The following PCSK5 variants were observed in gnomAD, a reference collection of about 807,000 sequenced individuals.
PCSK5 encodes the protein prohormone convertase 5.
A neutral mutation model predicts 233.2 loss-of-function variants in PCSK5; 129 were observed. The ratio of observed to expected loss-of-function variants is 0.55; its 90% CI spans 0.48 to 0.64. PCSK5 has a LOEUF of 0.64. Among genes scored for constraint, PCSK5 ranks in the 30% least tolerant of loss-of-function variants. The pLI, the probability that PCSK5 is intolerant of heterozygous loss-of-function variation, is 0.00. For missense variants in PCSK5, 2,076 were observed against 2,430.1 expected (o/e 0.85, Z 3.06); for synonymous variants, 825 against 879.2 (o/e 0.94, Z 1.09).
chr9:76,162,408 T>C (rs1822901369), intron 12 of PCSK5, among the ~76,000 whole-genome samples: 2 of 152,132 alleles, frequency 1.3e-5, no homozygotes, highest in African/African-American at 4.8e-5. Context: ...CTTGGCCCCA[T>C]TTCAAAGCAC....
chr9:75,976,301 C>CAG (rs537083845), intron 2 of PCSK5, among the ~76,000 whole-genome samples: 1,560 of 92,038 alleles, frequency 0.017, 25 homozygotes, highest in Middle Eastern at 0.045. Context: ...CACACACACA[C>CAG]ACACACACAC....
chr9:76,258,718 C>G (rs1386799488), intron 24 of PCSK5, among the ~76,000 whole-genome samples: 1 of 152,172 alleles, frequency 6.6e-6, no homozygotes, highest in South Asian at 2.1e-4. Flanking sequence ...GTAAATTCAT[C>G]TTATGTGCTC....
chr9:76,238,489 A>C (rs1255953971), intron 22 of PCSK5, among the ~76,000 whole-genome samples: 1 of 152,216 alleles, frequency 6.6e-6, no homozygotes, highest in African/African-American at 2.4e-5. Flanking sequence ...TAACGCAAGC[A>C]TGTGACCGAT....
chr9:76,018,588 C>T (rs1828051357), intron 3 of PCSK5, among the ~76,000 whole-genome samples: 1 of 152,174 alleles, frequency 6.6e-6, no homozygotes, highest in Non-Finnish European at 1.5e-5. Flanking sequence ...CACCCCACAT[C>T]CGTGGAAAAA....
chr9:76,176,889 A>G (rs1399070180), intron 14 of PCSK5, among the ~76,000 whole-genome samples: 1 of 152,118 alleles, frequency 6.6e-6, no homozygotes, highest in Non-Finnish European at 1.5e-5. Flanking sequence ...CCTTCTTGTC[A>G]TTATTTCTGA....
At chr9:76,223,750 G>T (rs975630094) in intron 20 of PCSK5, among the ~76,000 whole-genome samples, 1 of 152,242 alleles carries the variant, frequency 6.6e-6, no homozygotes, top group African/African-American at 2.4e-5. Flanking sequence ...GCTCCTGAAG[G>T]CTCTGTTAAA....
intron 17 of PCSK5, among the ~76,000 whole-genome samples, chr9:76,185,905 A>G (rs1010652413): frequency 1.3e-5 from 2 of 152,200 alleles, no homozygotes; most frequent in African/African-American, 4.8e-5. Flanking sequence ...CTATTCTACC[A>G]TCTGGCACAT....
At chr9:76,229,226 T>C (rs1022823311) in intron 21 of PCSK5, among the ~76,000 whole-genome samples, 2 of 152,256 alleles carry the variant, frequency 1.3e-5, no homozygotes, top group Non-Finnish European at 2.9e-5. Flanking sequence ...AATGAGGTTC[T>C]GTTTTTTCTC....
chr9:76,105,028 C>T (rs961178525), intron 8 of PCSK5, among the ~76,000 whole-genome samples: 1 of 152,194 alleles, frequency 6.6e-6, no homozygotes, highest in African/African-American at 2.4e-5. Flanking sequence ...AGCAATTCCT[C>T]TTCTGGAATT....
intron 24 of PCSK5, among the ~76,000 whole-genome samples, chr9:76,263,642 T>C (rs1424756354): frequency 7.6e-6 from 1 of 131,022 alleles, no homozygotes; most frequent in South Asian, 2.4e-4. Flanking sequence ...GTGGGGGGAG[T>C]GGGGAGGGAT....
intron 1 of PCSK5, among the ~76,000 whole-genome samples, chr9:75,905,992 C>A (rs1021058474): frequency 6.6e-6 from 1 of 152,106 alleles, no homozygotes; most frequent in East Asian, 1.9e-4. Context: ...TATTGAGTAC[C>A]TATTTTATCA....
intron 20 of PCSK5, among the ~76,000 whole-genome samples, chr9:76,209,898 T>C (rs1019434852): frequency 1.3e-5 from 2 of 151,944 alleles, no homozygotes; most frequent in Non-Finnish European, 2.9e-5. Context: ...GTAGGAAAGA[T>C]TCAGATAATT....
intron 24 of PCSK5, among the ~76,000 whole-genome samples, chr9:76,241,420 C>T (rs538641187): frequency 8.5e-5 from 13 of 152,210 alleles, no homozygotes; most frequent in Admixed American, 2.0e-4. Context: ...CCAGCCTGGG[C>T]GACAGAGCCA....
chr9:76,356,050 G>A (rs144778157), intron 37 of PCSK5, among the ~76,000 whole-genome samples: 71 of 152,226 alleles, frequency 4.7e-4, no homozygotes, highest in African/African-American at 1.6e-3. Context: ...TTCCAAAAAC[G>A]TTTTCCTTCT....
intron 5 of PCSK5, among the ~76,000 whole-genome samples, chr9:76,064,513 C>T (rs1290950208): frequency 6.7e-6 from 1 of 149,736 alleles, no homozygotes; most frequent in African/African-American, 2.5e-5. Context: ...GGGGCTGAAC[C>T]CCCCCAACCT....
intron 1 of PCSK5, among the ~76,000 whole-genome samples, chr9:75,914,981 GA>G (rs1281963648): frequency 1.3e-5 from 2 of 152,174 alleles, no homozygotes; most frequent in Non-Finnish European, 2.9e-5. Flanking sequence ...AAGGTGTGAG[GA>G]ATAGTTTACA....
At chr9:76,121,727 G>C (rs980591783) in intron 9 of PCSK5, among the ~76,000 whole-genome samples, 4 of 151,928 alleles carry the variant, frequency 2.6e-5, no homozygotes, top group African/African-American at 7.2e-5. Flanking sequence ...CAGAGTTCTC[G>C]CATGTTTGAA....
chr9:76,181,497 T>C lies in PCSK5; in HGVS notation c.2103T>C (p.Gly701=). 1 of 1,614,024 alleles carries C rather than the reference T, an allele frequency of 6.2e-7. No homozygotes were observed. Among genetic ancestry groups the C allele is most frequent in the Non-Finnish European group, 8.5e-7 (1 of 1,179,890 alleles). Residue 701 remains glycine (G), a synonymous_variant, in exon 16 of 38, where the codon GGT becomes GGC. Coordinates refer to ENST00000674117, the MANE Select transcript of PCSK5 (RefSeq NM_001372043.1). The stretch of plus-strand genomic sequence containing the variant: ...GTGAGTCCTGCTTTGGGAGCCATGG[T>C]GACCAATGCATGTCCTGCAAATATG... The part of the protein sequence containing the change: ...PNCESCFGSH[G]DQCMSCKYGY...
At chr9:76,042,075 GATTA>G (rs1193244236) in intron 5 of PCSK5, among the ~76,000 whole-genome samples, 1 of 152,064 alleles carries the variant, frequency 6.6e-6, no homozygotes, top group Non-Finnish European at 1.5e-5. Context: ...TGTGTATTAC[GATTA>G]ATTCTAATTT....
Sources: gnomAD v4.1 joint callset for allele counts (sites outside exome capture counted in the v4.1 genomes callset) on GRCh38, gnomAD v4.1.1 for gene constraint, MANE v1.5 for transcripts, NCBI Gene and HGNC (gene_info 2026-07-23, HGNC 2026-07-21) for gene names.